The following CLEC16A variants were observed in gnomAD, a reference collection of about 807,000 sequenced individuals.
The protein encoded by CLEC16A is C-type lectin domain containing 16A.
In CLEC16A, 51 loss-of-function variants were observed where a neutral mutation model predicts 109.5. The observed-to-expected ratio is 0.47, with a 90% CI of 0.37 to 0.59. The LOEUF (loss-of-function observed/expected upper bound fraction) is 0.59, where lower values mean the gene tolerates loss of function less well. Ranked by LOEUF, CLEC16A falls within the 20% of genes least tolerant of loss-of-function variation. The pLI, the probability that CLEC16A is intolerant of heterozygous loss-of-function variation, is 0.00. For synonymous variants in CLEC16A, 673 were observed against 564.2 expected (o/e 1.19, Z -2.73); for missense variants, 1,339 against 1,394.0 (o/e 0.96, Z 0.63).
At chr16:10,973,190 C>T (rs1035949450) in intron 7 of CLEC16A, 129 bp downstream of exon 7, 4 of 1,057,374 alleles carry the variant, frequency 3.8e-6, no homozygotes, top group Non-Finnish European at 3.9e-6. Context: ...CATGGACTTC[C>T]GTACTGTAAA....
At chr16:10,988,102 G>A (rs1463854030) in intron 10 of CLEC16A, among the ~76,000 whole-genome samples, 1 of 152,258 alleles carries the variant, frequency 6.6e-6, no homozygotes, top group Admixed American at 6.5e-5. Flanking sequence ...TGTTTCTTGT[G>A]TGGGGAAATC....
chr16:11,173,992 C>T (rs2068636655), intron 23 of CLEC16A, among the ~76,000 whole-genome samples: 1 of 152,188 alleles, frequency 6.6e-6, no homozygotes, highest in Non-Finnish European at 1.5e-5. Context: ...GGGGCCAGCG[C>T]CCCATGCACC....
intron 23 of CLEC16A, among the ~76,000 whole-genome samples, chr16:11,175,614 A>G (rs1052763279): frequency 2.6e-5 from 4 of 152,216 alleles, no homozygotes; most frequent in Non-Finnish European, 5.9e-5. Flanking sequence ...AACAACAACA[A>G]GGCCATGTCA....
chr16:11,023,359 A>G (rs1462209695), intron 12 of CLEC16A, among the ~76,000 whole-genome samples: 1 of 152,146 alleles, frequency 6.6e-6, no homozygotes, highest in African/African-American at 2.4e-5. Context: ...AATATAATCC[A>G]AATTTCAAGC....
chr16:11,080,253 G>C (rs2049627151), intron 19 of CLEC16A, among the ~76,000 whole-genome samples: 1 of 152,236 alleles, frequency 6.6e-6, no homozygotes, highest in Non-Finnish European at 1.5e-5. Context: ...CTAGCACAGT[G>C]ATGCACTTCA....
chr16:11,048,709 C>T (rs576580708), intron 17 of CLEC16A, among the ~76,000 whole-genome samples: 67 of 152,264 alleles, frequency 4.4e-4, no homozygotes, highest in African/African-American at 1.3e-3. Flanking sequence ...GCCAGGCCCC[C>T]GTGGGCTGCT....
At chr16:11,133,985 G>A (rs2053403478) in intron 22 of CLEC16A, among the ~76,000 whole-genome samples, 1 of 152,040 alleles carries the variant, frequency 6.6e-6, no homozygotes, top group African/African-American at 2.4e-5. Flanking sequence ...GAGCTGCTAA[G>A]CACTTTATGC....
At chr16:11,005,143 C>T (rs1166970277) in intron 11 of CLEC16A, among the ~76,000 whole-genome samples, 2 of 152,200 alleles carry the variant, frequency 1.3e-5, no homozygotes, top group Non-Finnish European at 2.9e-5. Flanking sequence ...AACCAGGCCT[C>T]AGCTGTGACT....
intron 1 of CLEC16A, among the ~76,000 whole-genome samples, chr16:10,955,460 C>T (rs1316475474): frequency 3.3e-5 from 5 of 151,970 alleles, no homozygotes; most frequent in African/African-American, 1.2e-4. Flanking sequence ...ACAGAGGTGC[C>T]AGTGAGGAGG....
At chr16:11,089,295 C>G (rs564375857) in intron 19 of CLEC16A, among the ~76,000 whole-genome samples, 1 of 152,150 alleles carries the variant, frequency 6.6e-6, no homozygotes, top group Non-Finnish European at 1.5e-5. Flanking sequence ...TTTCCTGCGT[C>G]GGGACATCAG....
In CLEC16A at chr16:11,107,439, C is replaced by G. The variant is rs534198897; in HGVS notation, c.2117-13176C>G. 2.6e-5 allele frequency among the ~76,000 whole-genome samples: 4 copies of G among 152,338 alleles called. No homozygotes were observed. In the East Asian group the frequency reaches 7.7e-4, roughly 29 times the overall value. ...CTACTTGCAGCAAATAACCCATAAG[C>G]TGTTGCTGGGTTGATGGAGAAATGG... is the stretch of plus-strand genomic sequence containing the variant. On this transcript the variant is annotated intron_variant, in intron 19 of 23. Transcript: ENST00000409790.
At chr16:11,014,055 A>G (rs1430420604) in intron 11 of CLEC16A, among the ~76,000 whole-genome samples, 1 of 152,246 alleles carries the variant, frequency 6.6e-6, no homozygotes, top group African/African-American at 2.4e-5. Flanking sequence ...TGCATGGAAT[A>G]TTAGCAAACT....
chr16:11,112,228 G>A (rs530550617), intron 19 of CLEC16A, among the ~76,000 whole-genome samples: 1 of 152,298 alleles, frequency 6.6e-6, no homozygotes, highest in South Asian at 2.1e-4. Flanking sequence ...GGCAACAAGA[G>A]CCCGTGCAGT....
At chr16:10,948,075 A>T (rs941745893) in intron 1 of CLEC16A, among the ~76,000 whole-genome samples, 1 of 152,038 alleles carries the variant, frequency 6.6e-6, no homozygotes, top group East Asian at 1.9e-4. Context: ...TTGTATTTTT[A>T]GTAGAGACGG....
intron 19 of CLEC16A, among the ~76,000 whole-genome samples, chr16:11,113,821 G>A (rs1019274922): frequency 1.3e-5 from 2 of 152,178 alleles, no homozygotes; most frequent in African/African-American, 4.8e-5. Context: ...ACACATTTTA[G>A]TTAGGCTTTC....
chr16:11,134,371 A>G (rs11640227), intron 22 of CLEC16A, among the ~76,000 whole-genome samples: 108,122 of 151,842 alleles, frequency 0.71, 40,186 homozygotes, highest in African/African-American at 0.93. Context: ...TTATATGCAC[A>G]AATTCTATCC....
At chr16:10,968,664 T>G (rs944680023) in intron 3 of CLEC16A, among the ~76,000 whole-genome samples, 1 of 152,220 alleles carries the variant, frequency 6.6e-6, no homozygotes, top group African/African-American at 2.4e-5. Flanking sequence ...GCACTCAGCC[T>G]AGTGGCCGGC....
At chr16:11,173,981 G>C (rs1320851525) in intron 23 of CLEC16A, among the ~76,000 whole-genome samples, 1 of 152,100 alleles carries the variant, frequency 6.6e-6, no homozygotes, top group Non-Finnish European at 1.5e-5. Flanking sequence ...TCTCTGCATG[G>C]GGGGCCAGCG....
At chr16:10,969,765 C>T (rs2042692580) in intron 4 of CLEC16A, among the ~76,000 whole-genome samples, 1 of 152,194 alleles carries the variant, frequency 6.6e-6, no homozygotes, top group African/African-American at 2.4e-5. Context: ...AAAACAGGAA[C>T]TCCAGTCAGG....
Sources: allele counts gnomAD v4.1 joint callset (sites outside exome capture counted in the v4.1 genomes callset), GRCh38; gene constraint gnomAD v4.1.1; transcripts MANE v1.5; gene names NCBI Gene and HGNC (gene_info 2026-07-23, HGNC 2026-07-21).